Variants in PIP5K1B observed in about 807,000 individuals in gnomAD.
PIP5K1B encodes the protein phosphatidylinositol-4-phosphate 5-kinase type 1 beta.
PIP5K1B carries 42 observed loss-of-function variants against 67.0 expected under a neutral mutation model. That is an observed-to-expected ratio of 0.63 (90% CI 0.49 to 0.81). PIP5K1B has a LOEUF of 0.81. Ranked by LOEUF, PIP5K1B falls within the 30% of genes least tolerant of loss-of-function variation. The pLI, the probability that PIP5K1B is intolerant of heterozygous loss-of-function variation, is 0.00. For synonymous variants in PIP5K1B, 214 were observed against 231.4 expected (o/e 0.92, Z 0.68); for missense variants, 459 against 646.3 (o/e 0.71, Z 3.14).
At chr9:68,951,782 CAT>C (rs1828080412) in intron 14 of PIP5K1B, among the ~76,000 whole-genome samples, 3 of 152,134 alleles carry the variant, frequency 2.0e-5, no homozygotes, top group Admixed American at 1.3e-4. Context: ...AGTCGTGTAA[CAT>C]GTGTTAAGAA....
intron 4 of PIP5K1B, among the ~76,000 whole-genome samples, chr9:68,857,188 C>T (rs1822822199): frequency 6.6e-6 from 1 of 152,204 alleles, no homozygotes; most frequent in African/African-American, 2.4e-5. Context: ...GATTTTAGGA[C>T]TTCTGACCTC....
At chr9:68,795,881 AC>A (rs1361298854) in intron 2 of PIP5K1B, among the ~76,000 whole-genome samples, 2 of 152,218 alleles carry the variant, frequency 1.3e-5, no homozygotes, top group Admixed American at 1.3e-4. Context: ...AATGACATTT[AC>A]TTTTGAGCAA....
intron 2 of PIP5K1B, among the ~76,000 whole-genome samples, chr9:68,768,545 G>A (rs535869178): frequency 6.6e-6 from 1 of 152,220 alleles, no homozygotes; most frequent in Non-Finnish European, 1.5e-5. Flanking sequence ...AGAATGGGTT[G>A]TCAGAGGTCA....
At chr9:68,909,790 A>T in intron 8 of PIP5K1B, among the ~76,000 whole-genome samples, 1 of 152,210 alleles carries the variant, frequency 6.6e-6, no homozygotes. Context: ...TCATGTCAGA[A>T]TGCCTTTCTT....
chr9:68,847,425 G>GTA (rs1231725424), intron 4 of PIP5K1B, among the ~76,000 whole-genome samples: 2 of 143,874 alleles, frequency 1.4e-5, no homozygotes, highest in Non-Finnish European at 3.0e-5. Context: ...GTGTGTGTGT[G>GTA]TGTGTGTGTG....
intron 2 of PIP5K1B, chr9:68,784,526 T>G (rs1831498376): frequency 6.0e-6 from 1 of 166,702 alleles, no homozygotes; most frequent in Non-Finnish European, 1.5e-5. Context: ...CATTTATTAG[T>G]TCAACCAGTT....
chr9:68,945,558 A>C (rs1288079706), intron 14 of PIP5K1B, among the ~76,000 whole-genome samples: 2 of 152,238 alleles, frequency 1.3e-5, no homozygotes, highest in Admixed American at 1.3e-4. Flanking sequence ...TATTAGTCCT[A>C]CTTCAAACCA....
chr9:68,775,793 G>A (rs1326205512), intron 2 of PIP5K1B, among the ~76,000 whole-genome samples: 1 of 152,176 alleles, frequency 6.6e-6, no homozygotes, highest in Non-Finnish European at 1.5e-5. Context: ...AAGTCATAGT[G>A]TATGTATTCT....
At chr9:68,799,133 A>G (rs1832451548) in intron 2 of PIP5K1B, among the ~76,000 whole-genome samples, 1 of 152,230 alleles carries the variant, frequency 6.6e-6, no homozygotes, top group South Asian at 2.1e-4. Context: ...AGTTGGCTAT[A>G]TAAGTTCAAA....
At position 68,779,958 on chromosome 9, in the gene PIP5K1B, C is replaced by G. The variant is rs966478451; in HGVS notation, c.-86+37301C>G. 8.5e-6 allele frequency: 5 copies of G among 589,328 alleles called. No homozygotes were observed. In the East Asian group the frequency reaches 9.9e-5, roughly 12 times the overall value. 36.5% of individuals were successfully genotyped at this position (589,328 alleles called of 1,614,324 possible). ...GGCCCGACCACTCCTCGCCCCTCCC[C>G]TACCACTGCCGCGCACATATTACGC... On this transcript the variant is annotated intron_variant, in intron 2 of 15. Transcript: ENST00000265382.
chr9:68,808,997 G>A (rs1444484226), intron 2 of PIP5K1B, among the ~76,000 whole-genome samples: 1 of 152,146 alleles, frequency 6.6e-6, no homozygotes, highest in East Asian at 1.9e-4. Context: ...ATACAAATGT[G>A]TAACATACCA....
rs192965485 is a variant in PIP5K1B at position 68,868,861 on chromosome 9, A to T, written c.200+4894A>T. On this transcript the variant is annotated intron_variant, in intron 5 of 15. Coordinates refer to ENST00000265382, the MANE Select transcript of PIP5K1B (RefSeq NM_003558.4). ...AGGAGTTTACCCTGATGTAAAGATC[A>T]TTACAGAAAACAGACTGCCCTTGGG... Among the ~76,000 whole-genome samples the T allele has an allele frequency of 2.2e-4, 33 of 152,346 alleles. 1 individual carries two copies. Among genetic ancestry groups the T allele is most frequent in the Admixed American group, 4.6e-4 (7 of 15,306 alleles).
chr9:68,756,218 A>G (rs1829917388), intron 2 of PIP5K1B, among the ~76,000 whole-genome samples: 1 of 152,230 alleles, frequency 6.6e-6, no homozygotes, highest in African/African-American at 2.4e-5. Context: ...CTTCTATTGT[A>G]TAATATTAAT....
At chr9:68,843,854 C>T (rs1167794920) in intron 4 of PIP5K1B, among the ~76,000 whole-genome samples, 4 of 152,158 alleles carry the variant, frequency 2.6e-5, no homozygotes, top group Admixed American at 2.0e-4. Context: ...ATCTGATATT[C>T]GTACTGGGAG....
chr9:69,004,857 A>G (rs1831001352), intron 15 of PIP5K1B, among the ~76,000 whole-genome samples: 1 of 152,064 alleles, frequency 6.6e-6, no homozygotes, highest in African/African-American at 2.4e-5. Flanking sequence ...GTTTCTGCAT[A>G]CTTCTCACTG....
At chr9:68,757,014 C>T (rs1829959821) in intron 2 of PIP5K1B, among the ~76,000 whole-genome samples, 1 of 152,138 alleles carries the variant, frequency 6.6e-6, no homozygotes, top group Non-Finnish European at 1.5e-5. Context: ...TTTAGACACG[C>T]AGGTTTCATT....
chr9:68,780,161 C>T lies in PIP5K1B; in HGVS notation c.-86+37504C>T, dbSNP rs1320549957. ...AGCACCTCCCCCGCCTCCCTGCCCC[C>T]GACATGGCTCAGGAGAAGATGGAGC... On this transcript the variant is annotated intron_variant, in intron 2 of 15. Coordinates refer to ENST00000265382, the MANE Select transcript of PIP5K1B (RefSeq NM_003558.4). 4.6e-6 allele frequency: 7 copies of T among 1,511,410 alleles called. No homozygotes were observed. The South Asian group carries it at 9.4e-5, about 20-fold the overall frequency. The allele number at this position is 1,511,410 out of a possible 1,614,324, so 93.6% of individuals were successfully genotyped here.
At chr9:68,708,220 A>G (rs1257060513) in intron 1 of PIP5K1B, 1 of 152,194 alleles carries the variant, frequency 6.6e-6, no homozygotes, top group East Asian at 1.9e-4. Context: ...TTACTTGAAT[A>G]TTCTAATTGT....
intron 14 of PIP5K1B, among the ~76,000 whole-genome samples, chr9:68,947,703 A>G (rs956734648): frequency 6.6e-6 from 1 of 152,254 alleles, no homozygotes; most frequent in African/African-American, 2.4e-5. Flanking sequence ...TTCTCATGCC[A>G]TTGTAATAGT....
Sources: gnomAD v4.1 joint callset for allele counts (sites outside exome capture counted in the v4.1 genomes callset) on GRCh38, gnomAD v4.1.1 for gene constraint, MANE v1.5 for transcripts, NCBI Gene and HGNC (gene_info 2026-07-23, HGNC 2026-07-21) for gene names.